Variants in HTR1F observed in about 807,000 individuals in gnomAD.
HTR1F encodes the protein 5-hydroxytryptamine (serotonin) receptor 1F, G protein-coupled.
Under a neutral mutation model 24.0 loss-of-function variants are expected in HTR1F, and 17 were observed. The ratio of observed to expected loss-of-function variants is 0.71; its 90% CI spans 0.48 to 1.06. The LOEUF (loss-of-function observed/expected upper bound fraction) is 1.06. Among genes scored for constraint, HTR1F ranks in the 50% least tolerant of loss-of-function variants. The pLI is 0.00. For synonymous variants in HTR1F, 186 were observed against 156.8 expected (o/e 1.19, Z -1.39); for missense variants, 391 against 427.8 (o/e 0.91, Z 0.76).
chr3:87,941,699 G>C (rs1704572640), intron 2 of HTR1F, among the ~76,000 whole-genome samples: 1 of 152,144 alleles, frequency 6.6e-6, no homozygotes. Context: ...CAAGAATTGA[G>C]AGTCAGGATG....
intron 1 of HTR1F, among the ~76,000 whole-genome samples, chr3:87,806,278 G>C (rs144535277): frequency 1.4e-4 from 21 of 152,072 alleles, no homozygotes; most frequent in Non-Finnish European, 2.9e-4. Context: ...TAGTAGAGTT[G>C]CTGGATTGTA....
At chr3:87,793,981 A>AG (rs746983285) in intron 1 of HTR1F, among the ~76,000 whole-genome samples, 394 of 126,646 alleles carry the variant, frequency 3.1e-3, no homozygotes, top group Middle Eastern at 0.017. Flanking sequence ...AAAAAAAAAA[A>AG]AAGAGAGAGA....
intron 2 of HTR1F, among the ~76,000 whole-genome samples, chr3:87,920,534 TA>T (rs1703991929): frequency 6.6e-6 from 1 of 151,914 alleles, no homozygotes; most frequent in African/African-American, 2.4e-5. Flanking sequence ...TGATATGGAA[TA>T]AATCATGACA....
intron 1 of HTR1F, among the ~76,000 whole-genome samples, chr3:87,795,848 AC>A (rs1703895668): frequency 6.6e-6 from 1 of 152,342 alleles, no homozygotes; most frequent in South Asian, 2.1e-4. Flanking sequence ...CTAGAAATGA[AC>A]AGAAATAGGC....
chr3:87,830,811 G>A (rs185477689), intron 2 of HTR1F, among the ~76,000 whole-genome samples: 55 of 152,228 alleles, frequency 3.6e-4, no homozygotes, highest in Admixed American at 3.0e-3. Context: ...ATGGACTTGC[G>A]CCAGAGATTT....
At chr3:87,988,675 C>G (rs539854721) in intron 2 of HTR1F, among the ~76,000 whole-genome samples, 1 of 152,194 alleles carries the variant, frequency 6.6e-6, no homozygotes, top group South Asian at 2.1e-4. Flanking sequence ...CCTCCACTTC[C>G]CGAGTTCAAG....
intron 2 of HTR1F, among the ~76,000 whole-genome samples, chr3:87,957,979 A>G (rs1269258519): frequency 6.6e-6 from 1 of 151,268 alleles, no homozygotes; most frequent in Non-Finnish European, 1.5e-5. Flanking sequence ...GTTTATTAGG[A>G]TAAAACCATA....
At chr3:87,848,135 C>G (rs765796160) in intron 2 of HTR1F, among the ~76,000 whole-genome samples, 1 of 151,828 alleles carries the variant, frequency 6.6e-6, no homozygotes, top group Non-Finnish European at 1.5e-5. Flanking sequence ...TTCTCACTAA[C>G]AGTGTATGAG....
intron 2 of HTR1F, among the ~76,000 whole-genome samples, chr3:87,932,971 C>A (rs1194458305): frequency 6.7e-6 from 1 of 148,732 alleles, no homozygotes; most frequent in Non-Finnish European, 1.5e-5. Context: ...ACTGGCAAAC[C>A]AAATCCAGCA....
At chr3:87,920,065 C>G (rs1473715332) in intron 2 of HTR1F, among the ~76,000 whole-genome samples, 1 of 138,870 alleles carries the variant, frequency 7.2e-6, no homozygotes, top group Non-Finnish European at 1.6e-5. Context: ...GAATACTACT[C>G]AGCCATAAAA....
chr3:87,835,485 G>A (rs1704665710), intron 2 of HTR1F, among the ~76,000 whole-genome samples: 1 of 152,174 alleles, frequency 6.6e-6, no homozygotes, highest in African/African-American at 2.4e-5. Flanking sequence ...GCCGTCACAA[G>A]TTAAAGAATC....
At chr3:87,930,945 T>C (rs1402613423) in intron 2 of HTR1F, among the ~76,000 whole-genome samples, 1 of 151,636 alleles carries the variant, frequency 6.6e-6, no homozygotes, top group Non-Finnish European at 1.5e-5. Flanking sequence ...AATAAGTGAA[T>C]AAAACCTTCT....
chr3:87,870,470 A>AATT (rs1272038229), intron 2 of HTR1F, among the ~76,000 whole-genome samples: 1 of 152,122 alleles, frequency 6.6e-6, no homozygotes, highest in Non-Finnish European at 1.5e-5. Flanking sequence ...GAAATGAAAC[A>AATT]ATTAAGAAAA....
intron 2 of HTR1F, among the ~76,000 whole-genome samples, chr3:87,865,384 A>C (rs982686005): frequency 6.6e-5 from 10 of 152,146 alleles, no homozygotes; most frequent in African/African-American, 2.4e-4. Context: ...TTCTCAAGAT[A>C]AACAGACCAT....
chr3:87,889,435 G>A (rs576604278), intron 2 of HTR1F, among the ~76,000 whole-genome samples: 6 of 152,198 alleles, frequency 3.9e-5, no homozygotes, highest in African/African-American at 1.4e-4. Context: ...ATTTTAGGAT[G>A]TTCAAACAAG....
chr3:87,821,858 C>T (rs1000389350), intron 1 of HTR1F, among the ~76,000 whole-genome samples, 150 bp from the exon 2 acceptor site: 1 of 151,822 alleles, frequency 6.6e-6, no homozygotes, highest in Non-Finnish European at 1.5e-5. Flanking sequence ...ACTTCTAAAC[C>T]GGATATTTTA....
chr3:87,989,914 T>C lies in HTR1F; in HGVS notation c.-42-794T>C, dbSNP rs115137791. ...GCTTAAATACCTTCTAAGCTATATG[T>C]CTTCATGTAAGTGTGCATTCATCTA... On this transcript the variant is annotated intron_variant, in intron 2 of 2. Coordinates refer to ENST00000319595, the MANE Select transcript of HTR1F (RefSeq NM_001322209.2). Among the ~76,000 whole-genome samples, 969 of 152,332 alleles carry C rather than the reference T, an allele frequency of 6.4e-3. 6 individuals carry two copies. Among genetic ancestry groups the C allele is most frequent in the Middle Eastern group, 0.01 (3 of 294 alleles).
chr3:87,912,842 G>A (rs1331660392), intron 2 of HTR1F, among the ~76,000 whole-genome samples: 3 of 152,042 alleles, frequency 2.0e-5, no homozygotes, highest in African/African-American at 7.2e-5. Flanking sequence ...ATGAGGAAAG[G>A]ACTCCCTATT....
chr3:87,844,594 G>C (rs1704893846), intron 2 of HTR1F, among the ~76,000 whole-genome samples: 1 of 123,678 alleles, frequency 8.1e-6, no homozygotes, highest in Non-Finnish European at 1.6e-5. Context: ...TAGACATGAA[G>C]TCCTTGCCCA....
Sources: allele counts gnomAD v4.1 joint callset (sites outside exome capture counted in the v4.1 genomes callset), GRCh38; gene constraint gnomAD v4.1.1; transcripts MANE v1.5; gene names NCBI Gene and HGNC (gene_info 2026-07-23, HGNC 2026-07-21).